Variants in FSHR observed in about 807,000 individuals in gnomAD.
FSHR encodes follicle-stimulating hormone receptor.
In FSHR, 46 loss-of-function variants were observed where a neutral mutation model predicts 52.1. The ratio of observed to expected loss-of-function variants is 0.88; its 90% confidence interval spans 0.70 to 1.13. The LOEUF (loss-of-function observed/expected upper bound fraction) is 1.13, where lower values mean the gene tolerates loss of function less well. FSHR is among the 50% of genes most tolerant of loss of function. The probability of loss-of-function intolerance (pLI) is 0.00; values close to 1 mark genes in which losing one functional copy is unlikely to be tolerated. For synonymous variants in FSHR, 399 were observed against 309.6 expected (o/e 1.29, Z -3.03); for missense variants, 964 against 834.6 (o/e 1.16, Z -1.91).
chr2:49,137,898 G>T (rs1056939027), intron 1 of FSHR, among the ~76,000 whole-genome samples: 4 of 151,992 alleles, frequency 2.6e-5, no homozygotes, highest in Non-Finnish European at 5.9e-5. Flanking sequence ...TTTGGCAAAG[G>T]ATTATTGGAT....
At chr2:49,133,550 C>G (rs1192161269) in intron 1 of FSHR, among the ~76,000 whole-genome samples, 1 of 152,108 alleles carries the variant, frequency 6.6e-6, no homozygotes, top group Non-Finnish European at 1.5e-5. Flanking sequence ...ACTTTCTTCA[C>G]AGAATTGGAA....
chr2:49,047,890 AT>A (rs1172689680), intron 2 of FSHR, among the ~76,000 whole-genome samples: 1 of 152,188 alleles, frequency 6.6e-6, no homozygotes, highest in East Asian at 1.9e-4. Flanking sequence ...ATTTATTATT[AT>A]TTTTTGAGAT....
chr2:49,034,161 CT>C (rs1668198003), intron 2 of FSHR, among the ~76,000 whole-genome samples: 1 of 152,198 alleles, frequency 6.6e-6, no homozygotes. Flanking sequence ...CAGTGATTGA[CT>C]TTCTGCCTGC....
At position 48,962,543 on chromosome 2, in the gene FSHR, T is replaced by A; in HGVS notation, c.*190A>T. On this transcript the variant is annotated 3_prime_UTR_variant, in exon 10 of 10. Transcript: ENST00000406846. ...TATTGCATTCTTTAATTATTATTGT[T>A]GTTACTAATAATTCAGCTTCCTAAT... is the stretch of plus-strand genomic sequence containing the variant. 2 of 613,126 alleles carry A rather than the reference T, an allele frequency of 3.3e-6. No homozygotes were observed. Among genetic ancestry groups the A allele is most frequent in the South Asian group, 3.9e-5 (2 of 51,146 alleles). 38.0% of individuals were successfully genotyped at this position (613,126 alleles called of 1,614,324 possible).
At chr2:49,045,568 A>C (rs971173263) in intron 2 of FSHR, among the ~76,000 whole-genome samples, 10 of 151,198 alleles carry the variant, frequency 6.6e-5, no homozygotes, top group African/African-American at 1.9e-4. Flanking sequence ...GGCAAAAACA[A>C]GAAAAAAGAA....
At chr2:49,013,485 AATATATATATATATAAAT>A (rs1183571616) in intron 4 of FSHR, among the ~76,000 whole-genome samples, 9 of 95,736 alleles carry the variant, frequency 9.4e-5, no homozygotes, top group African/African-American at 3.1e-4. Flanking sequence ...TATATAAATA[AATATATATATATATAAAT>A]ATATATATAT....
chr2:49,018,039 AG>A (rs1420298824), intron 3 of FSHR, among the ~76,000 whole-genome samples: 1 of 152,212 alleles, frequency 6.6e-6, no homozygotes, highest in African/African-American at 2.4e-5. Context: ...AAAGAAGATA[AG>A]GAAGGAAAAA....
At chr2:49,090,140 T>C (rs1160798935) in intron 1 of FSHR, among the ~76,000 whole-genome samples, 1 of 151,940 alleles carries the variant, frequency 6.6e-6, no homozygotes, top group Non-Finnish European at 1.5e-5. Flanking sequence ...TGTGTGTGTG[T>C]GTGTGTGTGT....
chr2:49,042,310 T>G (rs1268070643), intron 2 of FSHR, among the ~76,000 whole-genome samples: 2 of 152,172 alleles, frequency 1.3e-5, no homozygotes, highest in African/African-American at 4.8e-5. Flanking sequence ...TTAAGGATTA[T>G]TTGAAATGAG....
chr2:49,042,584 T>C (rs1668514485), intron 2 of FSHR, among the ~76,000 whole-genome samples: 1 of 46,790 alleles, frequency 2.1e-5, no homozygotes. Context: ...CATGGGTTTA[T>C]ATATTACTAA....
intron 2 of FSHR, among the ~76,000 whole-genome samples, chr2:49,067,877 A>T (rs1265078400): frequency 1.3e-5 from 2 of 151,930 alleles, no homozygotes. Context: ...AATTAATCAT[A>T]AATGGTAGAA....
chr2:49,051,807 G>A (rs79979316), intron 2 of FSHR, among the ~76,000 whole-genome samples: 8,739 of 151,874 alleles, frequency 0.058, 459 homozygotes, highest in East Asian at 0.22. Context: ...TCTCCTAACA[G>A]TTTTAAAATT....
chr2:49,101,484 A>T (rs1440955301), intron 1 of FSHR, among the ~76,000 whole-genome samples: 1 of 152,190 alleles, frequency 6.6e-6, no homozygotes, highest in Non-Finnish European at 1.5e-5. Context: ...GCTAATTCTA[A>T]TGATAAGAAA....
intron 8 of FSHR, among the ~76,000 whole-genome samples, chr2:48,975,450 A>G (rs920339609): frequency 6.6e-6 from 1 of 152,088 alleles, no homozygotes; most frequent in African/African-American, 2.4e-5. Context: ...TCCCCAGTGC[A>G]TGTCTGTCTC....
chr2:49,114,206 A>G (rs942831230), intron 1 of FSHR, among the ~76,000 whole-genome samples: 3 of 152,130 alleles, frequency 2.0e-5, no homozygotes, highest in African/African-American at 4.8e-5. Context: ...CGCCAGTACA[A>G]TCACCTGCAC....
rs1310729799 is a variant in FSHR at position 49,018,083 on chromosome 2, A to G, written c.300-520T>C. On this transcript the variant is annotated intron_variant, in intron 3 of 9. Coordinates refer to ENST00000406846, the MANE Select transcript of FSHR (RefSeq NM_000145.4). The stretch of plus-strand genomic sequence containing the variant: ...GCAAAAAGGTATTGGAGGAAAAGAG[A>G]GTGAAATGGCAAAGAAAAAGAAAGT... Among the ~76,000 whole-genome samples, 3 of 152,190 alleles carry G rather than the reference A, an allele frequency of 2.0e-5. No homozygotes were observed. The South Asian group carries it at 6.2e-4, about 32-fold the overall frequency.
At chr2:49,068,591 T>C (rs868725400) in intron 1 of FSHR, among the ~76,000 whole-genome samples, 2 of 152,238 alleles carry the variant, frequency 1.3e-5, no homozygotes, top group Middle Eastern at 6.8e-3. Context: ...CTACCGTATG[T>C]TGCCTTCTGC....
intron 1 of FSHR, among the ~76,000 whole-genome samples, chr2:49,106,535 A>G (rs72879857): frequency 0.042 from 6,374 of 152,262 alleles, 430 homozygotes; most frequent in African/African-American, 0.15. Flanking sequence ...ATTGAAATCA[A>G]TTAAGCGAGA....
chr2:49,004,365 A>G (rs1191699119), intron 4 of FSHR, among the ~76,000 whole-genome samples: 3 of 152,202 alleles, frequency 2.0e-5, no homozygotes, highest in Non-Finnish European at 4.4e-5. Context: ...AGATCTCAGC[A>G]TTTGAATCCT....
Sources: gnomAD v4.1 joint callset for allele counts (sites outside exome capture counted in the v4.1 genomes callset) on GRCh38, gnomAD v4.1.1 for gene constraint, MANE v1.5 for transcripts, NCBI Gene and HGNC (gene_info 2026-07-23, HGNC 2026-07-21) for gene names.